Variants in CCT6A observed in about 807,000 individuals in gnomAD.
The protein encoded by CCT6A is T-complex protein 1 subunit zeta.
CCT6A carries 6 observed loss-of-function variants against 58.6 expected under a neutral mutation model. That is an observed-to-expected ratio of 0.10 (90% CI 0.06 to 0.20). The LOEUF (loss-of-function observed/expected upper bound fraction) is 0.20. Among genes scored for constraint, CCT6A ranks in the 10% least tolerant of loss-of-function variants. CCT6A has a pLI of 1.00. For missense variants in CCT6A, 516 were observed against 648.8 expected (o/e 0.80, Z 2.22); for synonymous variants, 245 against 227.8 (o/e 1.08, Z -0.68).
At position 56,063,006 on chromosome 7, in the gene CCT6A, C is replaced by T; in HGVS notation, c.1524-7C>T. On this transcript the variant is annotated splice_region_variant and splice_polypyrimidine_tract_variant and intron_variant, in intron 13 of 13. Coordinates refer to ENST00000275603, the MANE Select transcript of CCT6A (RefSeq NM_001762.4). ...TCTGAGCCATCTTATTTTTGTCCCCCTTTCAGCACTGTGATTGCCACCAAC... is the reference window on the plus strand; with the variant it reads ...TCTGAGCCATCTTATTTTTGTCCCCTTTTCAGCACTGTGATTGCCACCAAC... 6.2e-7 allele frequency: 1 copy of T among 1,608,188 alleles called. No homozygotes were observed. The highest frequency in any genetic ancestry group is 8.5e-7 in the Non-Finnish European group (1 of 1,174,622).
rs747784410 is a variant in CCT6A at position 56,063,105 on chromosome 7, C to G, written c.*20C>G. 6 of 1,537,142 alleles carry G rather than the reference C, an allele frequency of 3.9e-6. No homozygotes were observed. Among genetic ancestry groups the G allele is most frequent in the Non-Finnish European group, 5.4e-6 (6 of 1,109,830 alleles). ...GGTTGAATTGAAGCTTCCTCTGTAT[C>G]TGAATCTTGAAGACTGCAAAGTGAT... is the stretch of plus-strand genomic sequence containing the variant. On this transcript the variant is annotated 3_prime_UTR_variant, in exon 14 of 14. Transcript: ENST00000275603.
At chr7:56,057,297 G>C (rs1319919492) in intron 5 of CCT6A, among the ~76,000 whole-genome samples, 2 of 152,096 alleles carry the variant, frequency 1.3e-5, no homozygotes, top group Admixed American at 1.3e-4. Flanking sequence ...AGAAGTAGTA[G>C]AGGAATTTAA....
In CCT6A at chr7:56,062,587, A is replaced by G. The variant is rs558459845; in HGVS notation, c.1451-96A>G. 26 of 992,238 alleles carry G rather than the reference A, an allele frequency of 2.6e-5. No homozygotes were observed. In the Admixed American group the frequency reaches 3.8e-4, roughly 14 times the overall value. 61.5% of individuals were successfully genotyped at this position (992,238 alleles called of 1,614,324 possible). The stretch of plus-strand genomic sequence containing the variant: ...GAAGCTTTGAATTCTCATAGTTAAT[A>G]CTGGAGGAAATGAGTCATCAGTGAT... On this transcript the variant is annotated intron_variant, in intron 12 of 13. Transcript: ENST00000275603.
At chr7:56,056,203 A>T in intron 4 of CCT6A, 108 bp from the exon 5 acceptor site, 1 of 731,156 alleles carries the variant, frequency 1.4e-6, no homozygotes, top group Admixed American at 2.2e-5. Flanking sequence ...AAAAGACTTA[A>T]ATCAGTGTAG....
At chr7:56,057,457 G>C (rs994879661) in intron 5 of CCT6A, among the ~76,000 whole-genome samples, 2 of 152,060 alleles carry the variant, frequency 1.3e-5, no homozygotes, top group African/African-American at 4.8e-5. Flanking sequence ...TCTCACTTCT[G>C]CCTCCGTAAG....
In CCT6A at chr7:56,060,371, G is replaced by A. The variant is rs777534496; in HGVS notation, c.1168G>A (p.Ala390Thr). The change falls in exon 10 of 14, where the codon GCA becomes ACA. Residue 390 changes from alanine to threonine, a missense_variant. Coordinates refer to ENST00000275603, the MANE Select transcript of CCT6A (RefSeq NM_001762.4). ...GCACACACTCACTCAGATCAAAGAT[G>A]CAGTGAGGGACGGCTTGAGGGCTGT... ...NKHTLTQIKD[A>T]VRDGLRAVKN... 13 of 1,613,740 alleles carry A rather than the reference G, an allele frequency of 8.1e-6. No homozygotes were observed. Among genetic ancestry groups the A allele is most frequent in the Admixed American group, 1.7e-5 (1 of 59,984 alleles).
At chr7:56,058,276 A>AC (rs1794357700) in intron 6 of CCT6A, 86 bp from the exon 7 acceptor site, 1 of 1,043,106 alleles carries the variant, frequency 9.6e-7, no homozygotes, top group Non-Finnish European at 1.4e-6. Flanking sequence ...AGCTCAGTGA[A>AC]CTGTTAAATC....
At chr7:56,054,576 G>C in intron 3 of CCT6A, 73 bp downstream of exon 3, 1 of 1,433,462 alleles carries the variant, frequency 7.0e-7, no homozygotes, top group Non-Finnish European at 9.6e-7. Flanking sequence ...AAATTGATGT[G>C]CTGTTAATAG....
At chr7:56,056,170 A>G in intron 4 of CCT6A, 141 bp from the exon 5 acceptor site, 2 of 651,660 alleles carry the variant, frequency 3.1e-6, no homozygotes, top group South Asian at 1.7e-5. Flanking sequence ...TTTTACATAT[A>G]ATGTATTCTA....
At chr7:56,062,859 TG>T in intron 13 of CCT6A, 104 bp downstream of exon 13, 1 of 1,173,790 alleles carries the variant, frequency 8.5e-7, no homozygotes, top group Non-Finnish European at 1.3e-6. Flanking sequence ...TGTGATCAGC[TG>T]GAAGTATGGA....
chr7:56,061,016 A>C (rs537598754), intron 11 of CCT6A, 76 bp downstream of exon 11: 1 of 1,473,522 alleles, frequency 6.8e-7, no homozygotes, highest in African/African-American at 1.4e-5. Flanking sequence ...GGATTTATTC[A>C]TAAAGTGGAT....
intron 6 of CCT6A, 83 bp downstream of exon 6, chr7:56,058,186 C>T (rs1584550238): frequency 1.5e-5 from 14 of 958,728 alleles, no homozygotes; most frequent in Non-Finnish European, 2.1e-5. Flanking sequence ...TTGTTTCCCA[C>T]TGTAAGGACA....
At chr7:56,060,655 C>T in intron 10 of CCT6A, 152 bp from the exon 11 acceptor site, 4 of 1,089,882 alleles carry the variant, frequency 3.7e-6, no homozygotes, top group Non-Finnish European at 5.6e-6. Context: ...TGAAGCCATT[C>T]TGGTTGAACC....
Position 56,063,561 on chromosome 7 carries a change from G to C in CCT6A, c.*476G>C, listed in dbSNP as rs1051831740. ...GTATAAATTTCTGAGTAAATGCATT[G>C]GATCAGTTGGACTTTGAACGCCTTT... On this transcript the variant is annotated 3_prime_UTR_variant, in exon 14 of 14. Coordinates refer to ENST00000275603, the MANE Select transcript of CCT6A (RefSeq NM_001762.4). The C allele has an allele frequency of 1.1e-4, 19 of 171,684 alleles. No homozygotes were observed. The highest frequency in any genetic ancestry group is 1.9e-4 in the Non-Finnish European group (15 of 79,996). 10.6% of individuals were successfully genotyped at this position (171,684 alleles called of 1,614,324 possible).
intron 13 of CCT6A, 123 bp downstream of exon 13, chr7:56,062,878 C>G: frequency 8.8e-7 from 1 of 1,135,550 alleles, no homozygotes; most frequent in Non-Finnish European, 1.3e-6. Flanking sequence ...GGAAACTGAA[C>G]TAGCCCTCTG....
Position 56,060,825 on chromosome 7 carries a change from C to G in CCT6A, c.1232C>G (p.Ala411Gly). ...AIDDGCVVPG[A>G]GAVEVAMAEA... is the part of the protein sequence containing the mutation. ...CCAACAGGCTGTGTGGTTCCAGGTG[C>G]TGGTGCCGTGGAAGTGGCAATGGCA... The change falls in exon 11 of 14, where the codon GCT becomes GGT. Residue 411 changes from alanine to glycine, a missense_variant. Transcript: ENST00000275603. 1.2e-6 allele frequency: 2 copies of G among 1,612,138 alleles called. No homozygotes were observed. The highest frequency in any genetic ancestry group is 8.5e-7 in the Non-Finnish European group (1 of 1,179,822).
At chr7:56,060,200 G>C in intron 9 of CCT6A, 69 bp from the exon 10 acceptor site, 1 of 1,359,944 alleles carries the variant, frequency 7.4e-7, no homozygotes, top group Non-Finnish European at 1.0e-6. Context: ...GTCATTCTCT[G>C]TAAGTCCCTC....
At chr7:56,061,032 A>T in intron 11 of CCT6A, 92 bp downstream of exon 11, 1 of 1,393,556 alleles carries the variant, frequency 7.2e-7, no homozygotes, top group Non-Finnish European at 9.7e-7. Flanking sequence ...TGGATTTTGG[A>T]TAAGCAAGTT....
At position 56,062,764 on chromosome 7, in the gene CCT6A, G is replaced by C. The variant is rs1336138415; in HGVS notation, c.1523+9G>C. 6.2e-7 allele frequency: 1 copy of C among 1,600,214 alleles called. No homozygotes were observed. The highest frequency in any genetic ancestry group is 8.5e-7 in the Non-Finnish European group (1 of 1,172,268). On this transcript the variant is annotated intron_variant, in intron 13 of 13. Transcript: ENST00000275603. Reference sequence around the variant, plus strand: ...CAGCTTCTTCACTCCTGGTAAGTTTGGGAAAATGAAAACTAAACTGTTAGA... The same window carrying C: ...CAGCTTCTTCACTCCTGGTAAGTTTCGGAAAATGAAAACTAAACTGTTAGA...
Sources: allele counts gnomAD v4.1 joint callset (sites outside exome capture counted in the v4.1 genomes callset), GRCh38; gene constraint gnomAD v4.1.1; transcripts MANE v1.5; gene names NCBI Gene and HGNC (gene_info 2026-07-23, HGNC 2026-07-21).